The following EIPR1 variants were observed in gnomAD, a reference collection of about 807,000 sequenced individuals.
EIPR1 encodes the protein EARP and GARP complex-interacting protein 1.
In EIPR1, 25 loss-of-function variants were observed where a neutral mutation model predicts 48.1. That is an observed-to-expected ratio of 0.52 (90% CI 0.38 to 0.73). The LOEUF (loss-of-function observed/expected upper bound fraction) is 0.73, where lower values mean the gene tolerates loss of function less well. Ranked by LOEUF, EIPR1 falls within the 30% of genes least tolerant of loss-of-function variation. EIPR1 has a pLI of 0.00. For synonymous variants in EIPR1, 204 were observed against 201.9 expected, an observed-to-expected ratio of 1.01 and a Z score of -0.09; for missense variants, 415 against 506.2, an observed-to-expected ratio of 0.82 and a Z score of 1.73.
intron 1 of EIPR1, among the ~76,000 whole-genome samples, chr2:3,358,878 T>C (rs914897668): frequency 6.6e-6 from 1 of 152,118 alleles, no homozygotes; most frequent in Non-Finnish European, 1.5e-5. Flanking sequence ...CCCTAGACGT[T>C]AAAAAGCCCA....
intron 3 of EIPR1, among the ~76,000 whole-genome samples, chr2:3,299,460 G>A (rs1407077442): frequency 2.0e-5 from 3 of 152,134 alleles, no homozygotes; most frequent in South Asian, 2.1e-4. Flanking sequence ...GCCTTGTTAC[G>A]AATATCTCCT....
intron 2 of EIPR1, among the ~76,000 whole-genome samples, chr2:3,341,217 G>C (rs1054860260): frequency 2.7e-5 from 4 of 150,446 alleles, no homozygotes; most frequent in African/African-American, 9.8e-5. Flanking sequence ...CACACGCACA[G>C]ACAATGCTGA....
chr2:3,326,580 C>T (rs1387914751), intron 3 of EIPR1, among the ~76,000 whole-genome samples: 3 of 152,186 alleles, frequency 2.0e-5, no homozygotes, highest in Non-Finnish European at 4.4e-5. Flanking sequence ...CAAACGCCTC[C>T]CTGGAGTGTG....
At chr2:3,376,640 G>C (rs1185726817) in intron 1 of EIPR1, among the ~76,000 whole-genome samples, 1 of 149,870 alleles carries the variant, frequency 6.7e-6, no homozygotes, top group Non-Finnish European at 1.5e-5. Context: ...GCAGTGAGCC[G>C]AGGTCACGCC....
chr2:3,274,526 T>C (rs757969438), intron 3 of EIPR1: 87 of 1,362,778 alleles, frequency 6.4e-5, no homozygotes, highest in Non-Finnish European at 7.5e-5. Context: ...ATAAATAAAA[T>C]ATTTTTAAAA....
chr2:3,251,927 G>T (rs1667011114), intron 4 of EIPR1, among the ~76,000 whole-genome samples: 1 of 152,122 alleles, frequency 6.6e-6, no homozygotes, highest in Non-Finnish European at 1.5e-5. Context: ...GAGACTTCTG[G>T]CTATGAATCC....
intron 4 of EIPR1, among the ~76,000 whole-genome samples, chr2:3,238,908 T>C (rs6548142): frequency 0.91 from 139,294 of 152,294 alleles, 64,188 homozygotes; most frequent in East Asian, 0.98. Context: ...GAAAAGATTG[T>C]GTTAAGAAGG....
intron 3 of EIPR1, among the ~76,000 whole-genome samples, chr2:3,330,927 A>ATGTACACTCGTGAGATG (rs1285903986): frequency 0.043 from 6,113 of 143,642 alleles, 194 homozygotes; most frequent in Non-Finnish European, 0.054. Context: ...GAGACTGGCA[A>ATGTACACTCGTGAGATG]GTGTACACTC....
chr2:3,342,387 G>C (rs1670277735), intron 2 of EIPR1, among the ~76,000 whole-genome samples: 1 of 152,238 alleles, frequency 6.6e-6, no homozygotes, highest in African/African-American at 2.4e-5. Context: ...CTACTTATCA[G>C]GAAATCCATT....
chr2:3,199,072 G>GCGCC (rs1553278585), intron 5 of EIPR1, among the ~76,000 whole-genome samples: 3 of 24,406 alleles, frequency 1.2e-4, no homozygotes, highest in African/African-American at 3.5e-4. Flanking sequence ...CCCCCCCCCC[G>GCGCC]CCCCGGGAAT....
intron 3 of EIPR1, chr2:3,274,311 A>G: frequency 1.9e-6 from 3 of 1,550,440 alleles, no homozygotes; most frequent in Non-Finnish European, 2.6e-6. Flanking sequence ...ACAAATGCAG[A>G]ACACCAAAGA....
At chr2:3,209,277 C>T (rs867959423) in intron 5 of EIPR1, among the ~76,000 whole-genome samples, 6 of 152,172 alleles carry the variant, frequency 3.9e-5, no homozygotes, top group Admixed American at 2.6e-4. Flanking sequence ...GGAAACACCA[C>T]CAAATAAGGC....
chr2:3,283,959 A>AG (rs1239090677), intron 3 of EIPR1, among the ~76,000 whole-genome samples: 4 of 150,578 alleles, frequency 2.7e-5, no homozygotes, highest in African/African-American at 4.9e-5. Flanking sequence ...AAAAAAAAAA[A>AG]AAAAAAGAAA....
At chr2:3,214,373 A>T in intron 4 of EIPR1, 125 bp from the exon 5 acceptor site, 1 of 810,116 alleles carries the variant, frequency 1.2e-6, no homozygotes, top group Non-Finnish European at 2.0e-6. Flanking sequence ...TCACTAGAGT[A>T]TTTTTTACAC....
intron 5 of EIPR1, among the ~76,000 whole-genome samples, chr2:3,206,261 A>T (rs1665231654): frequency 6.6e-6 from 1 of 152,172 alleles, no homozygotes; most frequent in Non-Finnish European, 1.5e-5. Context: ...ACCAGGGGAC[A>T]GAGAAAGGGT....
At chr2:3,362,750 A>G (rs183216914) in intron 1 of EIPR1, among the ~76,000 whole-genome samples, 1 of 99,628 alleles carries the variant, frequency 1.0e-5, no homozygotes, top group African/African-American at 3.0e-5. Context: ...CTGAAGACAG[A>G]GGGCATTGGC....
chr2:3,338,248 G>C, intron 2 of EIPR1, 99 bp from the exon 3 acceptor site: 1 of 1,383,098 alleles, frequency 7.2e-7, no homozygotes, highest in Non-Finnish European at 9.8e-7. Flanking sequence ...TGCACATTTC[G>C]TGACAGATAC....
intron 5 of EIPR1, chr2:3,208,526 G>C: frequency 6.5e-7 from 1 of 1,545,980 alleles, no homozygotes; most frequent in Non-Finnish European, 8.7e-7. Context: ...CTGATTAAAA[G>C]GACTACTTAA....
intron 8 of EIPR1, among the ~76,000 whole-genome samples, chr2:3,191,958 C>T (rs935431948): frequency 2.9e-4 from 44 of 152,296 alleles, no homozygotes; most frequent in Admixed American, 1.8e-3. Flanking sequence ...CTGGAGTCTC[C>T]GCCCTGCTAC....
Sources: allele counts gnomAD v4.1 joint callset (sites outside exome capture counted in the v4.1 genomes callset), GRCh38; gene constraint gnomAD v4.1.1; transcripts MANE v1.5; gene names NCBI Gene and HGNC (gene_info 2026-07-23, HGNC 2026-07-21).